KCNMA1: variants seen among roughly 807,000 people sequenced by gnomAD.
KCNMA1 encodes the protein Calcium-activated potassium channel subunit alpha-1.
In KCNMA1, 29 loss-of-function variants were observed where a neutral mutation model predicts 140.0. The observed-to-expected ratio is 0.21, with a 90% CI of 0.15 to 0.28. The LOEUF (loss-of-function observed/expected upper bound fraction) is 0.28. Ranked by LOEUF, KCNMA1 falls within the 10% of genes least tolerant of loss-of-function variation. The pLI, the probability that KCNMA1 is intolerant of heterozygous loss-of-function variation, is 1.00. For synonymous variants in KCNMA1, 612 were observed against 611.9 expected (o/e 1.00, Z 0.00); for missense variants, 880 against 1,602.2 (o/e 0.55, Z 7.70).
chr10:77,127,027 A>G (rs2097756654), intron 5 of KCNMA1, among the ~76,000 whole-genome samples: 1 of 151,582 alleles, frequency 6.6e-6, no homozygotes, highest in Non-Finnish European at 1.5e-5. Flanking sequence ...CACGCCACAG[A>G]AAAGTCATCA....
intron 14 of KCNMA1, among the ~76,000 whole-genome samples, chr10:77,067,833 A>G (rs888274659): frequency 6.6e-6 from 1 of 152,160 alleles, no homozygotes; most frequent in African/African-American, 2.4e-5. Flanking sequence ...GTCAGAACAG[A>G]AGCTTTCTGA....
chr10:77,352,676 C>T (rs2093037843), intron 2 of KCNMA1, among the ~76,000 whole-genome samples: 1 of 151,982 alleles, frequency 6.6e-6, no homozygotes, highest in Non-Finnish European at 1.5e-5. Context: ...ACAAAACAAA[C>T]ACTGCTCCTT....
intron 2 of KCNMA1, among the ~76,000 whole-genome samples, chr10:77,286,770 G>T (rs1023000955): frequency 1.5e-3 from 5 of 3,286 alleles, no homozygotes; most frequent in Non-Finnish European, 3.3e-3. Context: ...TGTGTGCGGG[G>T]GGGGGGGGGG....
intron 5 of KCNMA1, among the ~76,000 whole-genome samples, chr10:77,175,754 T>C (rs1326219723): frequency 1.3e-5 from 2 of 152,098 alleles, no homozygotes; most frequent in African/African-American, 4.8e-5. Context: ...AACTTACTCA[T>C]GACCAGGCAC....
At position 76,907,366 on chromosome 10, in the gene KCNMA1, G is replaced by T. The variant is rs189549773; in HGVS notation, c.3147+2600C>A. The stretch of plus-strand genomic sequence containing the variant: ...TAGATGCTTGTGCAACTCAAATCCA[G>T]ATGGGCCCCCACCTCCACCCTGTGG... On this transcript the variant is annotated intron_variant, in intron 25 of 27. Coordinates refer to ENST00000286628, the MANE Select transcript of KCNMA1 (RefSeq NM_001161352.2). Among the ~76,000 whole-genome samples, 675 of 152,230 alleles carry T rather than the reference G, an allele frequency of 4.4e-3. 4 individuals carry two copies. Among genetic ancestry groups the T allele is most frequent in the African/African-American group, 0.015 (637 of 41,550 alleles).
intron 1 of KCNMA1, among the ~76,000 whole-genome samples, chr10:77,568,323 CA>C (rs1204911205): frequency 6.6e-6 from 1 of 152,098 alleles, no homozygotes; most frequent in Admixed American, 6.5e-5. Flanking sequence ...AACATTGATG[CA>C]AAAATCCTCA....
In KCNMA1 at chr10:77,108,861, C is replaced by G. The variant is rs2097254826; in HGVS notation, c.1132-289G>C. ...ATAAATAAGGTGATATCTAGTTCTT[C>G]TTGCTGAAGAAAAATAGGCAAGAGG... On this transcript the variant is annotated intron_variant, in intron 8 of 27. Transcript: ENST00000286628. The surrounding 1 kb of genome is among the most constrained non-coding windows in gnomAD (Gnocchi z 4.6). Among the ~76,000 whole-genome samples, 1 of 152,074 alleles carries G rather than the reference C, an allele frequency of 6.6e-6. No individual in the cohort carries two copies. Among genetic ancestry groups the G allele is most frequent in the African/African-American group, 2.4e-5 (1 of 41,406 alleles).
At chr10:77,574,655 T>C (rs1027563379) in intron 1 of KCNMA1, among the ~76,000 whole-genome samples, 1 of 152,238 alleles carries the variant, frequency 6.6e-6, no homozygotes, top group African/African-American at 2.4e-5. Context: ...TTTAGTTCCT[T>C]ATTTCTGAAA....
At chr10:77,059,317 C>T (rs938741856) in intron 14 of KCNMA1, among the ~76,000 whole-genome samples, 9 of 151,954 alleles carry the variant, frequency 5.9e-5, no homozygotes, top group African/African-American at 2.2e-4. Context: ...CACAATTTCT[C>T]CCAGAAAACA....
intron 5 of KCNMA1, among the ~76,000 whole-genome samples, chr10:77,174,251 C>A (rs571133265): frequency 1.3e-5 from 2 of 152,242 alleles, no homozygotes; most frequent in South Asian, 2.1e-4. Flanking sequence ...TTCATGATTT[C>A]TCTAGCATTT....
At chr10:77,208,159 T>G (rs1289601291) in intron 3 of KCNMA1, among the ~76,000 whole-genome samples, 1 of 152,246 alleles carries the variant, frequency 6.6e-6, no homozygotes, top group East Asian at 1.9e-4. Context: ...TTATTTGTTC[T>G]GGTGGATTTT....
intron 2 of KCNMA1, among the ~76,000 whole-genome samples, chr10:77,260,401 G>A (rs1178766379): frequency 6.6e-6 from 1 of 152,166 alleles, no homozygotes; most frequent in Non-Finnish European, 1.5e-5. Context: ...GGGCCAGAGT[G>A]TCCAGCACTC....
intron 1 of KCNMA1, among the ~76,000 whole-genome samples, chr10:77,517,237 A>T (rs1197993229): frequency 6.6e-6 from 1 of 152,176 alleles, no homozygotes; most frequent in Non-Finnish European, 1.5e-5. Context: ...ACAGAAAGAA[A>T]GCAGTGTCAC....
chr10:77,389,245 C>T (rs2095721743), intron 2 of KCNMA1, among the ~76,000 whole-genome samples: 2 of 152,306 alleles, frequency 1.3e-5, no homozygotes, highest in South Asian at 4.1e-4. Context: ...GCAGCTCCTG[C>T]CACCCCCCTG....
chr10:77,584,016 A>C (rs1048530281), intron 1 of KCNMA1, among the ~76,000 whole-genome samples: 2 of 152,236 alleles, frequency 1.3e-5, no homozygotes, highest in African/African-American at 2.4e-5. Flanking sequence ...AAGATGATTA[A>C]ATTCTGTGTC....
In KCNMA1 at chr10:77,328,717, A is replaced by G. The variant is rs1602700179; in HGVS notation, c.540+75145T>C. Among the ~76,000 whole-genome samples, 6 of 152,386 alleles carry G rather than the reference A, an allele frequency of 3.9e-5. No homozygotes were observed. In the South Asian group the frequency reaches 1.2e-3, roughly 32 times the overall value. On this transcript the variant is annotated intron_variant, in intron 2 of 27. Coordinates refer to ENST00000286628, the MANE Select transcript of KCNMA1 (RefSeq NM_001161352.2). ...AACAAAAGATAACAGAAGAAAACAT[A>G]TATGGGAGGTCATGACTTCTGAGAC... is the stretch of plus-strand genomic sequence containing the variant.
intron 1 of KCNMA1, among the ~76,000 whole-genome samples, chr10:77,535,988 C>A (rs952854321): frequency 1.7e-4 from 26 of 152,106 alleles, no homozygotes; most frequent in African/African-American, 6.3e-4. Context: ...AACAGGGCAA[C>A]TGTAGTTAAC....
intron 9 of KCNMA1, among the ~76,000 whole-genome samples, chr10:77,106,333 C>G (rs1462979204): frequency 6.6e-6 from 1 of 152,054 alleles, no homozygotes; most frequent in African/African-American, 2.4e-5. Flanking sequence ...AGAGCCAGAA[C>G]AGAGTGGCAG....
rs1032269277 is a variant in KCNMA1, at chr10:77,286,776, G to C, written c.541-35520C>G. Among the ~76,000 whole-genome samples, 7 of 105,164 alleles carry C rather than the reference G, an allele frequency of 6.7e-5. 1 individual carries two copies. Among genetic ancestry groups the C allele is most frequent in the African/African-American group, 1.0e-4 (3 of 29,362 alleles). The allele number at this position is 105,164 out of a possible 152,430, so 69.0% of individuals were successfully genotyped here. ...GTGTGTGTGTGTGTGCGGGGGGGGG[G>C]GGGGGGTTCCATTCTTACTTTATGC... On this transcript the variant is annotated intron_variant, in intron 2 of 27. Coordinates refer to ENST00000286628, the MANE Select transcript of KCNMA1 (RefSeq NM_001161352.2).
Sources: gnomAD v4.1 joint callset for allele counts (sites outside exome capture counted in the v4.1 genomes callset) on GRCh38, gnomAD v4.1.1 for gene constraint, Gnocchi (gnomAD v3.1) non-coding constraint, MANE v1.5 for transcripts, NCBI Gene and HGNC (gene_info 2026-07-23, HGNC 2026-07-21) for gene names.